Variants in TRPM3 observed in about 807,000 individuals in gnomAD.
The protein encoded by TRPM3 is transient receptor potential cation channel subfamily M member 3.
In TRPM3, 77 loss-of-function variants were observed where a neutral mutation model predicts 181.2. That is an observed-to-expected ratio of 0.42 (90% CI 0.35 to 0.51). The LOEUF is 0.51. Ranked by LOEUF, TRPM3 falls within the 20% of genes least tolerant of loss-of-function variation. The pLI is 0.01. For missense variants in TRPM3, 1,759 were observed against 2,196.7 expected (o/e 0.80, Z 3.98); for synonymous variants, 745 against 796.4 (o/e 0.94, Z 1.09).
At chr9:71,333,995 A>C (rs1029876459) in intron 1 of TRPM3, among the ~76,000 whole-genome samples, 3 of 151,892 alleles carry the variant, frequency 2.0e-5, no homozygotes, top group African/African-American at 7.3e-5. Context: ...TATGCTAATA[A>C]GGGAAATGCC....
At chr9:70,686,326 A>AATC (rs2066752903) in intron 8 of TRPM3, among the ~76,000 whole-genome samples, 2 of 152,210 alleles carry the variant, frequency 1.3e-5, no homozygotes, top group Admixed American at 6.5e-5. Flanking sequence ...ATCAATTTTC[A>AATC]ATCTTTTGCT....
intron 1 of TRPM3, among the ~76,000 whole-genome samples, chr9:71,368,883 G>A (rs1250492110): frequency 6.6e-6 from 1 of 152,104 alleles, no homozygotes; most frequent in Non-Finnish European, 1.5e-5. Flanking sequence ...AAAATATTAA[G>A]TAGAAAGGAA....
At chr9:71,431,906 T>C (rs1033200173) in intron 1 of TRPM3, among the ~76,000 whole-genome samples, 1 of 152,216 alleles carries the variant, frequency 6.6e-6, no homozygotes, top group African/African-American at 2.4e-5. Context: ...TTCATTATGC[T>C]CTTTCACTTA....
chr9:70,807,012 A>G (rs2090841811), intron 6 of TRPM3, among the ~76,000 whole-genome samples: 1 of 152,208 alleles, frequency 6.6e-6, no homozygotes, highest in South Asian at 2.1e-4. Context: ...GGAATGAGAC[A>G]CCTTATCTTC....
At chr9:71,279,711 G>A (rs866497530) in intron 1 of TRPM3, among the ~76,000 whole-genome samples, 11 of 152,140 alleles carry the variant, frequency 7.2e-5, no homozygotes, top group African/African-American at 2.2e-4. Context: ...AGGACTCAGC[G>A]TAGACAGGGA....
intron 5 of TRPM3, among the ~76,000 whole-genome samples, chr9:70,841,304 C>T (rs867787145): frequency 1.6e-4 from 25 of 151,876 alleles, no homozygotes; most frequent in African/African-American, 4.8e-4. Flanking sequence ...TCAATTTGTA[C>T]GTAATATGAA....
rs553504511 is a variant in TRPM3 at position 70,787,462 on chromosome 9, T to C, written c.974-3183A>G. ...TTTTGAATTTCTTAGTTATGAGAGG[T>C]AGAAAATCAAACTATGCCTAAAACT... is the stretch of plus-strand genomic sequence containing the variant. On this transcript the variant is annotated intron_variant, in intron 6 of 25. Coordinates refer to ENST00000677713, the MANE Select transcript of TRPM3 (RefSeq NM_001366145.2). 4.6e-5 allele frequency among the ~76,000 whole-genome samples: 7 copies of C among 152,256 alleles called. No homozygotes were observed. In the South Asian group the frequency reaches 1.5e-3, roughly 32 times the overall value.
At chr9:70,747,404 A>T (rs913495122) in intron 8 of TRPM3, among the ~76,000 whole-genome samples, 1 of 152,188 alleles carries the variant, frequency 6.6e-6, no homozygotes, top group Admixed American at 6.5e-5. Context: ...TAGAAAATTT[A>T]AAAATGACTG....
intron 1 of TRPM3, among the ~76,000 whole-genome samples, chr9:71,354,945 A>G (rs1293841729): frequency 2.6e-5 from 4 of 152,194 alleles, no homozygotes; most frequent in East Asian, 1.9e-4. Flanking sequence ...TGTTATTCAA[A>G]CATTCTTAAC....
chr9:71,044,717 G>A (rs898537599), intron 1 of TRPM3, among the ~76,000 whole-genome samples: 7 of 152,142 alleles, frequency 4.6e-5, no homozygotes, highest in Admixed American at 3.9e-4. Flanking sequence ...TGTCACCCAG[G>A]CTGGAGTGCA....
rs946989146 is a variant in TRPM3 at position 70,791,181 on chromosome 9, G to A, written c.974-6902C>T. Among the ~76,000 whole-genome samples the A allele has an allele frequency of 5.9e-5, 9 of 152,226 alleles. No homozygotes were observed. The South Asian group carries it at 1.2e-3, about 21-fold the overall frequency. On this transcript the variant is annotated intron_variant, in intron 6 of 25. Transcript: ENST00000677713. ...CAGATTTCTTTTATTGAAAATCCAT[G>A]AGGTACCCAATTGGTGAATGCCAGA...
At chr9:71,330,549 A>G (rs1233344739) in intron 1 of TRPM3, among the ~76,000 whole-genome samples, 1 of 151,908 alleles carries the variant, frequency 6.6e-6, no homozygotes, top group African/African-American at 2.4e-5. Context: ...TATTTTTCTA[A>G]TAATAAGAAA....
At chr9:70,679,970 T>C (rs1203136096) in intron 9 of TRPM3, among the ~76,000 whole-genome samples, 1 of 152,216 alleles carries the variant, frequency 6.6e-6, no homozygotes, top group African/African-American at 2.4e-5. Flanking sequence ...AGCCTTTGTA[T>C]TTCTTAGTTC....
intron 8 of TRPM3, among the ~76,000 whole-genome samples, chr9:70,693,314 A>T (rs1171171046): frequency 6.6e-6 from 1 of 152,180 alleles, no homozygotes; most frequent in Non-Finnish European, 1.5e-5. Flanking sequence ...GGCCTTGGCT[A>T]GCAGAATTCA....
rs575970218 is a variant in TRPM3, at chr9:71,395,597, A to G, written c.183+51056T>C. ...ACATTGGTACCAAAATAAAAGATCA[A>G]CTATCATTAACTATTTTCCTTTCTG... On this transcript the variant is annotated intron_variant, in intron 1 of 24. Coordinates refer to the TRPM3 transcript ENST00000357533. 1.8e-4 allele frequency among the ~76,000 whole-genome samples: 27 copies of G among 152,366 alleles called. No individual in the cohort carries two copies. The South Asian group carries it at 5.6e-3, about 32-fold the overall frequency.
intron 1 of TRPM3, among the ~76,000 whole-genome samples, chr9:70,887,862 T>C (rs1462487548): frequency 6.6e-6 from 1 of 152,196 alleles, no homozygotes; most frequent in Non-Finnish European, 1.5e-5. Context: ...TATAAAGTAC[T>C]ATGTATCTTT....
At chr9:70,804,363 A>G (rs12555280) in intron 6 of TRPM3, among the ~76,000 whole-genome samples, 2 of 151,974 alleles carry the variant, frequency 1.3e-5, no homozygotes, top group Non-Finnish European at 2.9e-5. Context: ...AACCCAAAAA[A>G]CTACTGTTCT....
intron 1 of TRPM3, among the ~76,000 whole-genome samples, chr9:71,424,611 A>G (rs2093831227): frequency 6.6e-6 from 1 of 152,098 alleles, no homozygotes; most frequent in Non-Finnish European, 1.5e-5. Flanking sequence ...GCTTTTGTGT[A>G]TAATTTTATT....
At chr9:71,158,944 T>C (rs1187351182) in intron 1 of TRPM3, among the ~76,000 whole-genome samples, 4 of 151,968 alleles carry the variant, frequency 2.6e-5, no homozygotes, top group Non-Finnish European at 5.9e-5. Context: ...CTCTTGATTC[T>C]CAGGCTTTTA....
Sources: gnomAD v4.1 joint callset for allele counts (sites outside exome capture counted in the v4.1 genomes callset) on GRCh38, gnomAD v4.1.1 for gene constraint, MANE v1.5 for transcripts, NCBI Gene and HGNC (gene_info 2026-07-23, HGNC 2026-07-21) for gene names.